LINGO2: variants seen among roughly 807,000 people sequenced by gnomAD.
LINGO2 encodes the protein leucine-rich repeat and immunoglobulin-like domain-containing nogo receptor-interacting protein 2.
Under a neutral mutation model 30.6 loss-of-function variants are expected in LINGO2, and 14 were observed. The observed-to-expected ratio is 0.46, with a 90% confidence interval of 0.30 to 0.72. The LOEUF (loss-of-function observed/expected upper bound fraction) is 0.72, where lower values mean the gene tolerates loss of function less well. Among genes scored for constraint, LINGO2 ranks in the 30% least tolerant of loss-of-function variants. LINGO2 has a pLI of 0.07. For missense variants in LINGO2, 729 were observed against 751.7 expected (o/e 0.97, Z 0.35); for synonymous variants, 317 against 288.5 (o/e 1.10, Z -1.00).
At chr9:28,108,630 T>A (rs1438374271) in intron 4 of LINGO2, among the ~76,000 whole-genome samples, 1 of 151,988 alleles carries the variant, frequency 6.6e-6, no homozygotes, top group Non-Finnish European at 1.5e-5. Flanking sequence ...TCCTGTTAGG[T>A]TTGTTCAGAG....
intron 1 of LINGO2, among the ~76,000 whole-genome samples, chr9:28,547,050 T>C (rs1047588431): frequency 6.6e-6 from 1 of 152,036 alleles, no homozygotes; most frequent in South Asian, 2.1e-4. Flanking sequence ...TAATTCCAAG[T>C]GAAATACTAG....
chr9:28,736,412 A>G, the LINGO2 span, among the ~76,000 whole-genome samples: 1 of 152,202 alleles, frequency 6.6e-6, no homozygotes, highest in Non-Finnish European at 1.5e-5. Flanking sequence ...GTAGCCACGC[A>G]GTCTAAACAC....
the LINGO2 span, among the ~76,000 whole-genome samples, chr9:29,009,267 T>C: frequency 6.6e-6 from 1 of 152,204 alleles, no homozygotes; most frequent in African/African-American, 2.4e-5. Flanking sequence ...GATGACATGA[T>C]TGTATATTTA....
the LINGO2 span, among the ~76,000 whole-genome samples, chr9:28,762,642 C>T: frequency 2.6e-5 from 4 of 152,008 alleles, no homozygotes; most frequent in Admixed American, 2.0e-4. Context: ...TAGATATCTG[C>T]GATCATTGAA....
chr9:28,798,318 T>G, the LINGO2 span, among the ~76,000 whole-genome samples: 1 of 152,030 alleles, frequency 6.6e-6, no homozygotes, highest in East Asian at 1.9e-4. Flanking sequence ...AAACATCTGC[T>G]GAAAGAACAA....
the LINGO2 span, among the ~76,000 whole-genome samples, chr9:29,160,927 T>C: frequency 6.6e-6 from 1 of 152,210 alleles, no homozygotes. Context: ...GAGCCACTAT[T>C]GTCTGCAGAA....
At chr9:28,319,406 A>T (rs1824957462) in intron 3 of LINGO2, among the ~76,000 whole-genome samples, 1 of 152,148 alleles carries the variant, frequency 6.6e-6, no homozygotes, top group Non-Finnish European at 1.5e-5. Context: ...ATTCAGGATA[A>T]TCTCTCTGTT....
At chr9:28,641,404 A>G (rs1429272528) in intron 1 of LINGO2, among the ~76,000 whole-genome samples, 1 of 152,142 alleles carries the variant, frequency 6.6e-6, no homozygotes, top group African/African-American at 2.4e-5. Context: ...TAAAGCTGTT[A>G]AAAGCCTGTA....
At chr9:27,948,403 A>G (rs1823452094) in exon 6 of LINGO2, 1 of 160,508 alleles carries the variant, frequency 6.2e-6, no homozygotes, top group African/African-American at 2.4e-5. Context: ...ACAATATGGT[A>G]TGATGCAAGG....
At chr9:28,907,255 G>A in the LINGO2 span, among the ~76,000 whole-genome samples, 1 of 151,878 alleles carries the variant, frequency 6.6e-6, no homozygotes, top group Non-Finnish European at 1.5e-5. Flanking sequence ...AAGTGAAATG[G>A]TCAAGGAAGA....
chr9:28,564,540 A>G (rs879354475), intron 1 of LINGO2, among the ~76,000 whole-genome samples: 4 of 152,064 alleles, frequency 2.6e-5, no homozygotes, highest in Non-Finnish European at 4.4e-5. Flanking sequence ...GGAATCTACT[A>G]AGAGCACTGT....
At chr9:28,418,773 A>G (rs986486717) in intron 2 of LINGO2, among the ~76,000 whole-genome samples, 1 of 152,052 alleles carries the variant, frequency 6.6e-6, no homozygotes, top group Non-Finnish European at 1.5e-5. Context: ...TCTTGATTAC[A>G]AGGAAATTTT....
the LINGO2 span, among the ~76,000 whole-genome samples, chr9:28,907,107 T>C: frequency 6.6e-6 from 1 of 151,938 alleles, no homozygotes; most frequent in East Asian, 1.9e-4. Context: ...GTGGAATGGC[T>C]GATTTTATGG....
chr9:28,040,427 T>G (rs1319505273), intron 4 of LINGO2, among the ~76,000 whole-genome samples: 2 of 149,768 alleles, frequency 1.3e-5, no homozygotes, highest in Non-Finnish European at 3.0e-5. Flanking sequence ...GCTTGAAGTT[T>G]TTTTTTTTTT....
the LINGO2 span, among the ~76,000 whole-genome samples, chr9:29,016,746 A>G: frequency 2.0e-5 from 3 of 152,204 alleles, no homozygotes; most frequent in Non-Finnish European, 4.4e-5. Flanking sequence ...GTTTCTCAAA[A>G]TGGCATAATA....
the LINGO2 span, among the ~76,000 whole-genome samples, chr9:28,870,952 TG>T: frequency 6.6e-6 from 1 of 152,004 alleles, no homozygotes; most frequent in Non-Finnish European, 1.5e-5. Flanking sequence ...TAAGTTGCCA[TG>T]TTTTTTTGTA....
At chr9:27,984,109 T>C (rs1361748340) in intron 5 of LINGO2, among the ~76,000 whole-genome samples, 1 of 151,846 alleles carries the variant, frequency 6.6e-6, no homozygotes, top group Non-Finnish European at 1.5e-5. Flanking sequence ...AAAAACAAGA[T>C]TTTAAGATTA....
intron 4 of LINGO2, among the ~76,000 whole-genome samples, chr9:28,290,082 T>A (rs1823663431): frequency 6.6e-6 from 1 of 152,182 alleles, no homozygotes; most frequent in South Asian, 2.1e-4. Flanking sequence ...CTCTCCATCA[T>A]TCTTCTGCAT....
At chr9:28,840,049 A>G in the LINGO2 span, among the ~76,000 whole-genome samples, 1 of 152,050 alleles carries the variant, frequency 6.6e-6, no homozygotes, top group East Asian at 1.9e-4. Flanking sequence ...GCTCAGCCAC[A>G]ACCCTGCTCT....
Sources: allele counts gnomAD v4.1 joint callset (sites outside exome capture counted in the v4.1 genomes callset), GRCh38; gene constraint gnomAD v4.1.1; transcripts MANE v1.5; gene names NCBI Gene and HGNC (gene_info 2026-07-23, HGNC 2026-07-21).